Variants in PTPN14 observed in about 807,000 individuals in gnomAD.
PTPN14 encodes the protein protein tyrosine phosphatase non-receptor type 14.
In PTPN14, 53 loss-of-function variants were observed where a neutral mutation model predicts 126.8. The observed-to-expected ratio is 0.42, with a 90% CI of 0.34 to 0.53. The LOEUF (loss-of-function observed/expected upper bound fraction) is 0.53. Ranked by LOEUF, PTPN14 falls within the 20% of genes least tolerant of loss-of-function variation. The pLI, the probability that PTPN14 is intolerant of heterozygous loss-of-function variation, is 0.08. For synonymous variants in PTPN14, 630 were observed against 599.3 expected (o/e 1.05, Z -0.75); for missense variants, 1,257 against 1,552.9 (o/e 0.81, Z 3.20).
At chr1:214,404,151 A>C (rs764496821) in intron 5 of PTPN14, among the ~76,000 whole-genome samples, 18 of 152,256 alleles carry the variant, frequency 1.2e-4, no homozygotes, top group Non-Finnish European at 2.6e-4. Context: ...AAAACTGTGA[A>C]AAACATCCCA....
chr1:214,507,969 G>A (rs565638167), intron 1 of PTPN14, among the ~76,000 whole-genome samples: 4 of 152,062 alleles, frequency 2.6e-5, no homozygotes, highest in South Asian at 4.2e-4. Context: ...ACCAGCCTGC[G>A]CAACATAATG....
chr1:214,521,845 G>T (rs917709077), intron 1 of PTPN14, among the ~76,000 whole-genome samples: 45 of 150,670 alleles, frequency 3.0e-4, no homozygotes, highest in African/African-American at 1.0e-3. Context: ...ACATCCCCCA[G>T]TTGTTTGTCA....
intron 1 of PTPN14, among the ~76,000 whole-genome samples, chr1:214,525,599 C>T (rs549561310): frequency 4.1e-4 from 62 of 152,226 alleles, no homozygotes; most frequent in Non-Finnish European, 7.3e-4. Flanking sequence ...TCACTCTGAC[C>T]GCAAATTCAA....
intron 3 of PTPN14, among the ~76,000 whole-genome samples, chr1:214,433,865 G>A (rs1314085235): frequency 2.0e-5 from 3 of 150,750 alleles, no homozygotes; most frequent in East Asian, 2.0e-4. Context: ...GAGGCAGGAC[G>A]ACTGCTTGAG....
At chr1:214,487,711 T>A (rs60163977) in intron 1 of PTPN14, among the ~76,000 whole-genome samples, 5,794 of 151,902 alleles carry the variant, frequency 0.038, 333 homozygotes, top group African/African-American at 0.13. Context: ...TACTTTGCAA[T>A]TAGTCTGTGA....
chr1:214,430,786 C>CT (rs1216581493), intron 3 of PTPN14, among the ~76,000 whole-genome samples: 1 of 152,178 alleles, frequency 6.6e-6, no homozygotes, highest in Non-Finnish European at 1.5e-5. Flanking sequence ...AAAGCTCCTC[C>CT]TTATCATTCC....
chr1:214,414,565 G>T, intron 4 of PTPN14, 64 bp downstream of exon 4: 2 of 1,399,864 alleles, frequency 1.4e-6, no homozygotes, highest in Non-Finnish European at 2.0e-6. Context: ...CACTCTGAGA[G>T]GCCAGCAACA....
At chr1:214,536,666 T>G (rs1655716417) in intron 1 of PTPN14, among the ~76,000 whole-genome samples, 1 of 152,092 alleles carries the variant, frequency 6.6e-6, no homozygotes, top group South Asian at 2.1e-4. Context: ...ATGCCTGTAT[T>G]CCTAGCTACT....
At chr1:214,493,749 T>C (rs1269450898) in intron 1 of PTPN14, among the ~76,000 whole-genome samples, 1 of 152,202 alleles carries the variant, frequency 6.6e-6, no homozygotes, top group East Asian at 1.9e-4. Flanking sequence ...GACTCGTATA[T>C]ATAATGTCAC....
chr1:214,490,404 T>C (rs1661202761), intron 1 of PTPN14, among the ~76,000 whole-genome samples: 1 of 152,200 alleles, frequency 6.6e-6, no homozygotes, highest in Non-Finnish European at 1.5e-5. Context: ...ACAGTAAAAC[T>C]GTATAGTTAA....
At chr1:214,450,129 T>C (rs1486367610) in intron 3 of PTPN14, among the ~76,000 whole-genome samples, 1 of 143,228 alleles carries the variant, frequency 7.0e-6, no homozygotes, top group Non-Finnish European at 1.5e-5. Context: ...CAAGACTCTA[T>C]CTCAAAATAA....
At position 214,351,503 on chromosome 1, in the gene PTPN14, C is replaced by G. The variant is rs529365168; in HGVS notation, c.*6419G>C. 3.3e-5 allele frequency: 5 copies of G among 152,302 alleles called. No individual in the cohort carries two copies. The highest frequency in any genetic ancestry group is 7.3e-5 in the Non-Finnish European group (5 of 68,080). 9.4% of individuals were successfully genotyped at this position (152,302 alleles called of 1,614,324 possible). ...TAAAGGGGAATGTCCTCTGCAGCAC[C>G]TCTGAGATCACAGGGGAGAAGAATC... On this transcript the variant is annotated 3_prime_UTR_variant, in exon 19 of 19. Transcript: ENST00000366956.
In PTPN14 at chr1:214,383,946, C is replaced by T; in HGVS notation, c.1909G>A (p.Val637Met). Residue 637 changes from valine to methionine, a missense_variant, in exon 13 of 19, where the codon GTG becomes ATG. Physicochemically the swap from Val to Met is conservative, Grantham distance 21 (BLOSUM62 1). Transcript: ENST00000366956. This position sits in a 1 kb window ranked among gnomAD's most constrained non-coding sequence, Gnocchi z 4.4. Reference sequence around the variant, plus strand: ...ACCTCCAGGCTGTGGCGCTTGTTCACAGTGCCGTGGTGCTTGGTGGCCGTG... The same window carrying T: ...ACCTCCAGGCTGTGGCGCTTGTTCATAGTGCCGTGGTGCTTGGTGGCCGTG... ...PLTATKHHGT[V>M]NKRHSLEVMN... is the part of the protein sequence containing the mutation. 1.2e-6 allele frequency: 2 copies of T among 1,613,022 alleles called. No individual in the cohort carries two copies. Among genetic ancestry groups the T allele is most frequent in the Non-Finnish European group, 1.7e-6 (2 of 1,180,020 alleles).
chr1:214,477,102 G>C (rs1334698180), intron 1 of PTPN14, among the ~76,000 whole-genome samples: 4 of 152,354 alleles, frequency 2.6e-5, no homozygotes, highest in Admixed American at 2.6e-4. Flanking sequence ...AGGGTGCCCA[G>C]TGGGTTTCAG....
intron 1 of PTPN14, among the ~76,000 whole-genome samples, chr1:214,474,220 C>T (rs1012188989): frequency 1.3e-5 from 2 of 152,172 alleles, no homozygotes; most frequent in African/African-American, 4.8e-5. Flanking sequence ...TACACAGCAA[C>T]CTGATCTATG....
intron 1 of PTPN14, among the ~76,000 whole-genome samples, chr1:214,510,882 T>A (rs1371382031): frequency 6.6e-6 from 1 of 151,954 alleles, no homozygotes; most frequent in Non-Finnish European, 1.5e-5. Flanking sequence ...TTTTTTGTTT[T>A]GTTTTTTTTT....
chr1:214,525,017 G>A (rs1655351411), intron 1 of PTPN14, among the ~76,000 whole-genome samples: 1 of 152,208 alleles, frequency 6.6e-6, no homozygotes, highest in African/African-American at 2.4e-5. Context: ...TGGAGATCAT[G>A]TTGCAATTCC....
intron 11 of PTPN14, among the ~76,000 whole-genome samples, chr1:214,387,784 A>C (rs1658658323): frequency 6.6e-6 from 1 of 152,214 alleles, no homozygotes; most frequent in Admixed American, 6.5e-5. Flanking sequence ...AATTCCATTC[A>C]CAAGCTCCTA....
intron 1 of PTPN14, among the ~76,000 whole-genome samples, chr1:214,544,798 GA>G (rs1166023759): frequency 1.3e-5 from 2 of 150,198 alleles, no homozygotes; most frequent in Non-Finnish European, 3.0e-5. Flanking sequence ...GAGACAGAGA[GA>G]AAAAAGAGGA....
Sources: gnomAD v4.1 joint callset for allele counts (sites outside exome capture counted in the v4.1 genomes callset) on GRCh38, gnomAD v4.1.1 for gene constraint, Gnocchi (gnomAD v3.1) non-coding constraint, MANE v1.5 for transcripts, NCBI Gene and HGNC (gene_info 2026-07-23, HGNC 2026-07-21) for gene names.